Variants in ANO4 observed in about 807,000 individuals in gnomAD.
ANO4 encodes the protein anoctamin 4, also known as anoctamin-4.
In ANO4, 69 loss-of-function variants were observed where a neutral mutation model predicts 141.9. That is an observed-to-expected ratio of 0.49 (90% CI 0.40 to 0.59). The LOEUF (loss-of-function observed/expected upper bound fraction) is 0.59, where lower values mean the gene tolerates loss of function less well. ANO4 is among the 20% of genes least tolerant of loss of function. The pLI is 0.00. For missense variants in ANO4, 894 were observed against 1,162.2 expected (o/e 0.77, Z 3.36); for synonymous variants, 350 against 394.3 (o/e 0.89, Z 1.33).
At chr12:100,846,404 A>G (rs1250826708) in intron 1 of ANO4, among the ~76,000 whole-genome samples, 1 of 152,244 alleles carries the variant, frequency 6.6e-6, no homozygotes, top group Non-Finnish European at 1.5e-5. Flanking sequence ...CATTTTGAAA[A>G]ACTTAATAAA....
intron 3 of ANO4, among the ~76,000 whole-genome samples, chr12:100,789,234 C>G (rs1325898730): frequency 6.6e-6 from 1 of 152,074 alleles, no homozygotes; most frequent in Non-Finnish European, 1.5e-5. Flanking sequence ...GTCTCAGAGA[C>G]CAGGTCTACA....
At chr12:101,096,922 C>T (rs1038695894) in intron 19 of ANO4, among the ~76,000 whole-genome samples, 5 of 152,148 alleles carry the variant, frequency 3.3e-5, no homozygotes, top group Admixed American at 6.5e-5. Flanking sequence ...CTTCTGGCCT[C>T]TGTCTGCACC....
At chr12:101,102,989 A>G (rs895510582) in intron 22 of ANO4, among the ~76,000 whole-genome samples, 7 of 151,100 alleles carry the variant, frequency 4.6e-5, no homozygotes, top group African/African-American at 1.7e-4. Context: ...TGATGTTTTT[A>G]TTGTTTTATT....
Position 100,938,701 on chromosome 12 carries a change from A to G in ANO4, c.161-614A>G, listed in dbSNP as rs2042386537. 2.6e-5 allele frequency among the ~76,000 whole-genome samples: 4 copies of G among 152,344 alleles called. 1 individual carries two copies. The South Asian group carries it at 8.3e-4, about 32-fold the overall frequency. On this transcript the variant is annotated intron_variant, in intron 3 of 27. Transcript: ENST00000392977. ...ATATATTGACATGTTATTAACGTCA[A>G]CAGTCTTTTGAGAGAGCTTCTGAAT...
chr12:101,025,055 G>T (rs1389394827), intron 9 of ANO4, among the ~76,000 whole-genome samples: 1 of 152,136 alleles, frequency 6.6e-6, no homozygotes, highest in African/African-American at 2.4e-5. Flanking sequence ...GTGTATTTTA[G>T]GAAGTAGCAG....
At chr12:100,984,704 A>G (rs796585547) in intron 7 of ANO4, among the ~76,000 whole-genome samples, 14 of 152,312 alleles carry the variant, frequency 9.2e-5, no homozygotes, top group African/African-American at 3.4e-4. Context: ...GAGCCACCCC[A>G]GTTACAAATC....
chr12:100,807,282 T>A (rs1366705969), intron 1 of ANO4, among the ~76,000 whole-genome samples: 2 of 152,198 alleles, frequency 1.3e-5, no homozygotes, highest in Non-Finnish European at 2.9e-5. Context: ...GGTATCATCA[T>A]CTATGAAATC....
At chr12:100,968,415 T>C (rs980534723) in intron 5 of ANO4, among the ~76,000 whole-genome samples, 5 of 152,216 alleles carry the variant, frequency 3.3e-5, no homozygotes, top group African/African-American at 7.2e-5. Flanking sequence ...GAGAGTATAC[T>C]CTAAGCGCTA....
At chr12:100,931,014 C>G (rs1397356981) in intron 3 of ANO4, among the ~76,000 whole-genome samples, 1 of 152,056 alleles carries the variant, frequency 6.6e-6, no homozygotes, top group Non-Finnish European at 1.5e-5. Flanking sequence ...GCTAAGGAAG[C>G]ATTATGTCCT....
intron 1 of ANO4, among the ~76,000 whole-genome samples, chr12:100,898,475 G>A (rs978084549): frequency 2.6e-5 from 4 of 152,008 alleles, no homozygotes; most frequent in African/African-American, 9.7e-5. Context: ...TTTTTCTCAG[G>A]CATTAAAGAT....
chr12:100,876,699 A>G (rs78898487), intron 1 of ANO4, among the ~76,000 whole-genome samples: 2,828 of 152,282 alleles, frequency 0.019, 73 homozygotes, highest in African/African-American at 0.056. Context: ...AAGACCATGT[A>G]TTGAAGAGAC....
intron 1 of ANO4, among the ~76,000 whole-genome samples, chr12:100,862,361 G>C (rs935078635): frequency 4.5e-4 from 69 of 152,164 alleles, no homozygotes; most frequent in Non-Finnish European, 6.3e-4. Flanking sequence ...TTGCTTTGTT[G>C]CCCAGGCTGG....
chr12:101,064,845 T>A (rs1394825929), intron 14 of ANO4, among the ~76,000 whole-genome samples: 2 of 152,168 alleles, frequency 1.3e-5, no homozygotes, highest in Admixed American at 6.5e-5. Context: ...AGTAGCATGA[T>A]GAAATCTCAC....
At chr12:100,966,262 T>C (rs2136250447) in intron 5 of ANO4, among the ~76,000 whole-genome samples, 1 of 152,354 alleles carries the variant, frequency 6.6e-6, no homozygotes, top group East Asian at 1.9e-4. Context: ...TTAGATTTAC[T>C]ATGAGCACCT....
chr12:100,732,811 G>T (rs955550727), intron 1 of ANO4, among the ~76,000 whole-genome samples: 3 of 152,172 alleles, frequency 2.0e-5, no homozygotes, highest in Non-Finnish European at 4.4e-5. Flanking sequence ...TTCCATCAGA[G>T]ATGTAAGGGT....
At chr12:100,889,176 C>T (rs565426976) in intron 1 of ANO4, among the ~76,000 whole-genome samples, 9 of 151,870 alleles carry the variant, frequency 5.9e-5, no homozygotes, top group Non-Finnish European at 8.8e-5. Context: ...TGATGATTTC[C>T]GATTTCATCC....
intron 2 of ANO4, among the ~76,000 whole-genome samples, chr12:100,917,574 G>A (rs1285198970): frequency 3.3e-5 from 5 of 152,148 alleles, no homozygotes; most frequent in Admixed American, 2.0e-4. Context: ...ATAAGTTAAA[G>A]GTGGAGATTG....
At chr12:100,734,568 A>G (rs1162166708) in intron 2 of ANO4, among the ~76,000 whole-genome samples, 3 of 152,188 alleles carry the variant, frequency 2.0e-5, no homozygotes, top group Non-Finnish European at 2.9e-5. Context: ...ACATTATTTT[A>G]CTTAATCAGA....
At chr12:100,855,929 C>A (rs532261359) in intron 1 of ANO4, among the ~76,000 whole-genome samples, 77 of 152,122 alleles carry the variant, frequency 5.1e-4, no homozygotes, top group African/African-American at 1.9e-3. Context: ...ATAAATGGAG[C>A]AAGTGGTACA....
Sources: allele counts gnomAD v4.1 joint callset (sites outside exome capture counted in the v4.1 genomes callset), GRCh38; gene constraint gnomAD v4.1.1; transcripts MANE v1.5; gene names NCBI Gene and HGNC (gene_info 2026-07-23, HGNC 2026-07-21).